The following A2M variants were observed in gnomAD, a reference collection of about 807,000 sequenced individuals.
A2M encodes the protein C3 and PZP-like alpha-2-macroglobulin domain-containing protein 5.
In A2M, 128 loss-of-function variants were observed where a neutral mutation model predicts 183.9. The observed-to-expected ratio is 0.70, with a 90% confidence interval of 0.60 to 0.81. The LOEUF (loss-of-function observed/expected upper bound fraction) is 0.81. Among genes scored for constraint, A2M ranks in the 30% least tolerant of loss-of-function variants. The pLI is 0.00. For synonymous variants in A2M, 592 were observed against 670.8 expected (o/e 0.88, Z 1.81); for missense variants, 1,495 against 1,787.6 (o/e 0.84, Z 2.95).
At chr12:9,086,093 C>G (rs1418474887) in intron 22 of A2M, among the ~76,000 whole-genome samples, 2 of 152,164 alleles carry the variant, frequency 1.3e-5, no homozygotes, top group Admixed American at 1.3e-4. Context: ...CAATCCTTCT[C>G]AAACTCTGCC....
intron 14 of A2M, 88 bp from the exon 15 acceptor site, chr12:9,098,844 A>C: frequency 6.8e-7 from 1 of 1,460,948 alleles, no homozygotes; most frequent in Non-Finnish European, 9.3e-7. Flanking sequence ...CCTCATGTAC[A>C]ATGTATAACC....
intron 2 of A2M, 31 bp downstream of exon 2, chr12:9,113,329 C>G: frequency 6.2e-7 from 1 of 1,607,260 alleles, no homozygotes; most frequent in Non-Finnish European, 8.5e-7. Flanking sequence ...CTAAAAGAAC[C>G]AAGTATATTA....
At chr12:9,095,839 A>G in intron 15 of A2M, 139 bp from the exon 16 acceptor site, 1 of 645,174 alleles carries the variant, frequency 1.5e-6, no homozygotes, top group Non-Finnish European at 2.4e-6. Flanking sequence ...GGCTCACTGC[A>G]AGCTCCGCTT....
In A2M at chr12:9,069,781, T is replaced by C. The variant is rs778478363; in HGVS notation, c.4227A>G (p.Glu1409=). ...AAATCAAGACATGGTTGCTGCTGAC[T>C]TCTGTCCGGCTCACATGGTTAGATC... ...LERSNHVSRT[E]VSSNHVLIYL... The change falls in exon 33 of 36, where the codon GAA becomes GAG. Residue 1409 remains glutamate (E), a synonymous_variant. Coordinates refer to ENST00000318602, the MANE Select transcript of A2M (RefSeq NM_000014.6). 2.5e-6 allele frequency: 4 copies of C among 1,613,404 alleles called. No individual in the cohort carries two copies. The South Asian group carries it at 4.4e-5, about 18-fold the overall frequency.
chr12:9,090,382 GAC>G lies in A2M; in HGVS notation c.2568_2569del (p.Ser857LeufsTer29). ...TAATGACTTTGGGGTTACTGCCCAG[GAC>G]ACAGTTTGCCGCCCGTTTGCACAGA... On this transcript the variant is annotated frameshift_variant, in exon 20 of 36. Coordinates refer to ENST00000318602, the MANE Select transcript of A2M (RefSeq NM_000014.6). LOFTEE classifies it high-confidence loss of function. 6.2e-7 allele frequency: 1 copy of G among 1,614,012 alleles called. No individual in the cohort carries two copies. Among genetic ancestry groups the G allele is most frequent in the Non-Finnish European group, 8.5e-7 (1 of 1,179,886 alleles).
Position 9,109,941 on chromosome 12 carries a change from T to C in A2M, c.599A>G (p.Gln200Arg). 1.9e-6 allele frequency: 3 copies of C among 1,614,038 alleles called. No individual in the cohort carries two copies. The highest frequency in any genetic ancestry group is 1.7e-6 in the Non-Finnish European group (2 of 1,179,914). The change falls in exon 6 of 36, where the codon CAG (glutamine) becomes CGG (arginine). Residue 200 changes from glutamine to arginine, a missense_variant. Transcript: ENST00000318602. ...CTGTACCACCACCTTGTAGGAGCCC[T>C]GGAAGGGCTCTGATGAGAGGGGAAA... ...FSFPLSSEPF[Q>R]GSYKVVVQKK...
At position 9,113,387 on chromosome 12, in the gene A2M, A is replaced by G. The variant is rs775885340; in HGVS notation, c.243T>C (p.Asn81=). Residue 81 remains asparagine (N), a synonymous_variant, in exon 2 of 36, where the codon AAT becomes AAC. Coordinates refer to ENST00000318602, the MANE Select transcript of A2M (RefSeq NM_000014.6). ...CGAAGGCGACACAGTGGAGTACGTC[A>G]TTCTCCGCCTCCAGGTCAGTGAAGA... ...RSLFTDLEAE[N]DVLHCVAFAV... The G allele has an allele frequency of 1.2e-6, 2 of 1,613,438 alleles. No homozygotes were observed. Among genetic ancestry groups the G allele is most frequent in the Non-Finnish European group, 1.7e-6 (2 of 1,179,904 alleles).
chr12:9,079,652 G>C lies in A2M; in HGVS notation c.3018C>G (p.Gly1006=). 6.2e-7 allele frequency: 1 copy of C among 1,613,122 alleles called. No individual in the cohort carries two copies. Among genetic ancestry groups the C allele is most frequent in the Non-Finnish European group, 8.5e-7 (1 of 1,179,422 alleles). ...LTPEIKSKAI[G]YLNTGYQRQL... Reference sequence around the variant, plus strand: ...GTAATCACTCACCAGTGTTGAGATAGCCAATGGCCTTGGACTTGATCTCTG... The same window carrying C: ...GTAATCACTCACCAGTGTTGAGATACCCAATGGCCTTGGACTTGATCTCTG... Residue 1006 remains glycine, a synonymous_variant, in exon 24 of 36, where the codon GGC becomes GGG. Transcript: ENST00000318602.
At chr12:9,111,812 A>G (rs7298071) in intron 4 of A2M, among the ~76,000 whole-genome samples, 9,351 of 152,206 alleles carry the variant, frequency 0.061, 958 homozygotes, top group African/African-American at 0.21. Flanking sequence ...GTAGATGTGT[A>G]TAGAAAAAAT....
Position 9,091,389 on chromosome 12 carries a change from T to C in A2M, c.2281A>G (p.Thr761Ala). 1 of 1,614,168 alleles carries C rather than the reference T, an allele frequency of 6.2e-7. No homozygotes were observed. Among genetic ancestry groups the C allele is most frequent in the Non-Finnish European group, 8.5e-7 (1 of 1,180,036 alleles). The part of the protein sequence containing the change: ...VAEVGVTVPD[T>A]ITEWKAGAFC... ...GCCCCTGCCTTCCACTCGGTGATGG[T>C]GTCAGGGACTGTTACTCCTACCTCA... Residue 761 changes from threonine (T) to alanine (A), a missense_variant, in exon 19 of 36, where the codon ACC becomes GCC. Coordinates refer to ENST00000318602, the MANE Select transcript of A2M (RefSeq NM_000014.6).
intron 27 of A2M, 38 bp downstream of exon 27, chr12:9,077,308 A>G (rs776069896): frequency 8.3e-6 from 13 of 1,572,506 alleles, no homozygotes; most frequent in Non-Finnish European, 1.0e-5. Context: ...CATTGCATCC[A>G]GAACTCTCCT....
In A2M at chr12:9,080,082, C is replaced by A. The variant is rs1309348623; in HGVS notation, c.2854+12G>T. 1 of 1,566,390 alleles carries A rather than the reference C, an allele frequency of 6.4e-7. No homozygotes were observed. ...TGTTAATGCCCGGATCCACTAGGGG[C>A]TGGAGACTCACCCAAAACTGAGACA... On this transcript the variant is annotated intron_variant, in intron 23 of 35. Coordinates refer to ENST00000318602, the MANE Select transcript of A2M (RefSeq NM_000014.6).
At chr12:9,090,617 T>A in intron 19 of A2M, 135 bp from the exon 20 acceptor site, 1 of 858,044 alleles carries the variant, frequency 1.2e-6, no homozygotes, top group Non-Finnish European at 1.8e-6. Flanking sequence ...GAAGATCAAG[T>A]ACCTGAAATA....
intron 22 of A2M, 77 bp downstream of exon 22, chr12:9,089,123 G>T (rs1949131566): frequency 2.6e-6 from 3 of 1,141,318 alleles, no homozygotes; most frequent in South Asian, 1.4e-5. Flanking sequence ...AGAAAGTGTA[G>T]GAATAATATA....
chr12:9,079,532 A>C (rs1358040503), intron 24 of A2M, 107 bp downstream of exon 24: 1 of 1,145,610 alleles, frequency 8.7e-7, no homozygotes, highest in African/African-American at 1.5e-5. Flanking sequence ...AGCAGCTATC[A>C]TAGTGAGCTA....
chr12:9,070,812 G>A (rs116718744), intron 31 of A2M, among the ~76,000 whole-genome samples: 3,217 of 148,468 alleles, frequency 0.022, 125 homozygotes, highest in African/African-American at 0.076. Flanking sequence ...GTGTATGGGG[G>A]CTGAGGATCT....
upstream of A2M, chr12:9,115,966 C>T: frequency 1.2e-6 from 1 of 817,920 alleles, no homozygotes; most frequent in Non-Finnish European, 2.1e-6. Context: ...TGTGTGCAAA[C>T]AGGAAGTTCC....
At position 9,072,709 on chromosome 12, in the gene A2M, C is replaced by T; in HGVS notation, c.3919G>A (p.Glu1307Lys). The T allele has an allele frequency of 6.2e-7, 1 of 1,614,190 alleles. No homozygotes were observed. The change falls in exon 30 of 36, where the codon GAG becomes AAG. Residue 1307 changes from glutamate to lysine, a missense_variant. Coordinates refer to ENST00000318602, the MANE Select transcript of A2M (RefSeq NM_000014.6). ...TTCATGCTGTATTCCCCAGGCAGCT[C>T]TGGCAATGAGACCTGCTGCAGTAAC... ...RLLLQQVSLP[E>K]LPGEYSMKVT...
intron 22 of A2M, among the ~76,000 whole-genome samples, chr12:9,085,616 G>C (rs10842845): frequency 0.39 from 59,813 of 151,724 alleles, 12,842 homozygotes; most frequent in African/African-American, 0.55. Context: ...GAAGAACAAA[G>C]TAAGCTCAAA....
Sources: allele counts gnomAD v4.1 joint callset (sites outside exome capture counted in the v4.1 genomes callset), GRCh38; gene constraint gnomAD v4.1.1; transcripts MANE v1.5; gene names NCBI Gene and HGNC (gene_info 2026-07-23, HGNC 2026-07-21).